Variants in SKIL observed in about 807,000 individuals in gnomAD.
The protein encoded by SKIL is ski-like protein.
A neutral mutation model predicts 69.6 loss-of-function variants in SKIL; 20 were observed. The ratio of observed to expected loss-of-function variants is 0.29; its 90% CI spans 0.20 to 0.42. SKIL has a LOEUF of 0.42. Ranked by LOEUF, SKIL falls within the 10% of genes least tolerant of loss-of-function variation. SKIL has a pLI of 1.00. For synonymous variants in SKIL, 310 were observed against 279.9 expected, an observed-to-expected ratio of 1.11 and a Z score of -1.08; for missense variants, 745 against 783.1, an observed-to-expected ratio of 0.95 and a Z score of 0.58.
intron 2 of SKIL, among the ~76,000 whole-genome samples, chr3:170,363,644 C>G (rs1736348104): frequency 6.6e-6 from 1 of 152,008 alleles, no homozygotes; most frequent in African/African-American, 2.4e-5. Context: ...AGCCACCACA[C>G]CCTTTAATTT....
chr3:170,361,530 A>G lies in SKIL; in HGVS notation c.1098+101A>G, dbSNP rs114030605. 1.4e-3 allele frequency: 1,256 copies of G among 884,320 alleles called. 11 individuals are homozygous for G. In the African/African-American group the frequency reaches 0.018, roughly 13 times the overall value. 54.8% of individuals were successfully genotyped at this position (884,320 alleles called of 1,614,324 possible). ...TTAACCTGTATGTTGAACATTGCTC[A>G]TGCAACAACAACAAAATACCGATTG... On this transcript the variant is annotated intron_variant, in intron 2 of 6. Coordinates refer to ENST00000259119, the MANE Select transcript of SKIL (RefSeq NM_005414.5).
At position 170,361,060 on chromosome 3, in the gene SKIL, T is replaced by A; in HGVS notation, c.729T>A (p.Gly243=). 6.2e-7 allele frequency: 1 copy of A among 1,614,222 alleles called. No homozygotes were observed. Among genetic ancestry groups the A allele is most frequent in the African/African-American group, 1.3e-5 (1 of 75,062 alleles). The part of the protein sequence containing the change: ...LLRPRTFPQN[G]SVLPAKSSLA... ...GGCCACGAACTTTTCCTCAAAATGG[T>A]AGCGTACTTCCTGCTAAAAGCTCAT... The change falls in exon 2 of 7, where the codon GGT becomes GGA. Residue 243 remains glycine (G), a synonymous_variant. Transcript: ENST00000259119.
At chr3:170,358,082 C>T (rs960540857) in intron 1 of SKIL, among the ~76,000 whole-genome samples, 3 of 152,154 alleles carry the variant, frequency 2.0e-5, no homozygotes, top group African/African-American at 4.8e-5. Context: ...CGTCACCGCC[C>T]CCCTCCCCCA....
intron 2 of SKIL, among the ~76,000 whole-genome samples, chr3:170,376,989 T>A (rs1737063575): frequency 6.6e-6 from 1 of 152,186 alleles, no homozygotes; most frequent in African/African-American, 2.4e-5. Flanking sequence ...TTTACTCAGA[T>A]TGTCTTGCTT....
At chr3:170,370,918 C>G (rs947012795) in intron 2 of SKIL, among the ~76,000 whole-genome samples, 2 of 151,902 alleles carry the variant, frequency 1.3e-5, no homozygotes, top group Non-Finnish European at 2.9e-5. Flanking sequence ...GCACTCCAAG[C>G]TTGGGCAACA....
Position 170,395,836 on chromosome 3 carries a change from T to C in SKIL, c.*3419T>C, listed in dbSNP as rs1025767837. The stretch of plus-strand genomic sequence containing the variant: ...CTGTTTCTGTGCTTGGAACTACTTG[T>C]TAATAGTTTTTATCGAAGCTGTCAG... On this transcript the variant is annotated 3_prime_UTR_variant, in exon 7 of 7. Transcript: ENST00000259119. 6.6e-6 allele frequency: 1 copy of C among 152,150 alleles called. No individual in the cohort carries two copies. The highest frequency in any genetic ancestry group is 2.4e-5 in the African/African-American group (1 of 41,562). 9.4% of individuals were successfully genotyped at this position (152,150 alleles called of 1,614,324 possible).
At position 170,396,271 on chromosome 3, in the gene SKIL, A is replaced by T. The variant is rs1393640637; in HGVS notation, c.*3854A>T. 1 of 152,174 alleles carries T rather than the reference A, an allele frequency of 6.6e-6. No individual in the cohort carries two copies. Among genetic ancestry groups the T allele is most frequent in the African/African-American group, 2.4e-5 (1 of 41,452 alleles). The allele number at this position is 152,174 out of a possible 1,614,324, so 9.4% of individuals were successfully genotyped here. The stretch of plus-strand genomic sequence containing the variant: ...CTCACTTGAAAAGAAAGCACAGCAT[A>T]CTTAAAGTAGTTCTAGTAAACATGT... On this transcript the variant is annotated 3_prime_UTR_variant, in exon 7 of 7. Coordinates refer to ENST00000259119, the MANE Select transcript of SKIL (RefSeq NM_005414.5).
intron 4 of SKIL, among the ~76,000 whole-genome samples, chr3:170,385,981 G>A (rs1395664731): frequency 2.6e-5 from 4 of 151,324 alleles, no homozygotes; most frequent in Non-Finnish European, 5.9e-5. Context: ...TAGTAGAGAC[G>A]GGTTTTCTCC....
chr3:170,362,102 G>A (rs1736271385), intron 2 of SKIL, among the ~76,000 whole-genome samples: 1 of 152,050 alleles, frequency 6.6e-6, no homozygotes, highest in Non-Finnish European at 1.5e-5. Flanking sequence ...CTCAATATTT[G>A]AAACAAATGG....
chr3:170,386,949 T>TAAAAAA (rs1202094098), intron 4 of SKIL, among the ~76,000 whole-genome samples: 2 of 152,334 alleles, frequency 1.3e-5, no homozygotes, highest in Non-Finnish European at 2.9e-5. Context: ...AGCCTACAAT[T>TAAAAAA]CAGTGGTTTT....
At chr3:170,361,548 A>C in intron 2 of SKIL, 119 bp downstream of exon 2, 1 of 790,168 alleles carries the variant, frequency 1.3e-6, no homozygotes, top group South Asian at 1.8e-5. Flanking sequence ...ACAACAAAAT[A>C]CCGATTGATA....
At chr3:170,371,696 C>T (rs1193606340) in intron 2 of SKIL, among the ~76,000 whole-genome samples, 4 of 152,158 alleles carry the variant, frequency 2.6e-5, no homozygotes, top group African/African-American at 7.2e-5. Flanking sequence ...TTTGTCATTT[C>T]TCCCAGTGAT....
At chr3:170,369,784 G>A (rs1233430289) in intron 2 of SKIL, among the ~76,000 whole-genome samples, 2 of 152,206 alleles carry the variant, frequency 1.3e-5, no homozygotes, top group South Asian at 4.1e-4. Flanking sequence ...CCTAGTAAAG[G>A]GGTAGAACTT....
intron 6 of SKIL, 104 bp from the exon 7 acceptor site, chr3:170,392,151 ATAGT>A: frequency 1.2e-6 from 1 of 830,202 alleles, no homozygotes; most frequent in East Asian, 2.7e-5. Flanking sequence ...TATACATGAA[ATAGT>A]TCGTTTTGTA....
At chr3:170,389,075 G>A (rs1006612101) in intron 4 of SKIL, among the ~76,000 whole-genome samples, 4 of 151,358 alleles carry the variant, frequency 2.6e-5, no homozygotes, top group Non-Finnish European at 4.4e-5. Flanking sequence ...GTTTTACCAT[G>A]TTGGTCAGGC....
intron 2 of SKIL, among the ~76,000 whole-genome samples, chr3:170,367,074 C>T (rs1469081674): frequency 1.3e-5 from 2 of 152,056 alleles, no homozygotes; most frequent in Non-Finnish European, 2.9e-5. Flanking sequence ...TGGAAGTGGT[C>T]ATTTGTTGTA....
At chr3:170,359,507 A>G (rs1240212449) in intron 1 of SKIL, 192 bp from the exon 2 acceptor site, 1 of 152,086 alleles carries the variant, frequency 6.6e-6, no homozygotes, top group Non-Finnish European at 1.5e-5. Flanking sequence ...CTGAGACAGG[A>G]AAATTGCTTG....
chr3:170,369,540 T>TA (rs1736697526), intron 2 of SKIL, among the ~76,000 whole-genome samples: 2 of 152,164 alleles, frequency 1.3e-5, no homozygotes, highest in African/African-American at 2.4e-5. Context: ...TAGCTGGAAT[T>TA]ACAGTCATGT....
intron 2 of SKIL, among the ~76,000 whole-genome samples, chr3:170,363,105 A>G (rs1433651382): frequency 6.6e-6 from 1 of 152,044 alleles, no homozygotes; most frequent in Non-Finnish European, 1.5e-5. Flanking sequence ...TCTTAACAAG[A>G]GGTTGGCTGT....
Sources: allele counts gnomAD v4.1 joint callset (sites outside exome capture counted in the v4.1 genomes callset), GRCh38; gene constraint gnomAD v4.1.1; transcripts MANE v1.5; gene names NCBI Gene and HGNC (gene_info 2026-07-23, HGNC 2026-07-21).